ZSCAN29: variants seen among roughly 807,000 people sequenced by gnomAD.
ZSCAN29 encodes the protein zinc finger and SCAN domain containing 29.
In ZSCAN29, 55 loss-of-function variants were observed where a neutral mutation model predicts 71.9. That is an observed-to-expected ratio of 0.76 (90% CI 0.62 to 0.96). ZSCAN29 has a LOEUF of 0.96. Ranked by LOEUF, ZSCAN29 falls within the 40% of genes least tolerant of loss-of-function variation. The probability of loss-of-function intolerance (pLI) is 0.00; values close to 1 mark genes in which losing one functional copy is unlikely to be tolerated. For missense variants in ZSCAN29, 1,042 were observed against 1,042.2 expected (o/e 1.00, Z 0.00); for synonymous variants, 351 against 371.6 (o/e 0.94, Z 0.64).
At position 43,366,334 on chromosome 15, in the gene ZSCAN29, G is replaced by A. The variant is rs750968798; in HGVS notation, c.998C>T (p.Ala333Val). 13 of 1,613,340 alleles carry A rather than the reference G, an allele frequency of 8.1e-6. No homozygotes were observed. Among genetic ancestry groups the A allele is most frequent in the African/African-American group, 2.7e-5 (2 of 74,902 alleles). ...ATTACTGGGCAGGGCAATGACCTGA[G>A]CACTCATCAGGGCTTCCATCTCTTC... Reference protein sequence around the residue: ...FFEEMEALMSAQVIALPSNGL... With the variant: ...FFEEMEALMSVQVIALPSNGL... Residue 333 changes from alanine to valine, a missense_variant, in exon 4 of 6, where the codon GCT becomes GTT. By Grantham distance (64) the Ala-to-Val change is moderately conservative. Transcript: ENST00000684362.
intron 3 of ZSCAN29, 87 bp downstream of exon 3, chr15:43,368,836 C>A: frequency 7.9e-7 from 1 of 1,271,580 alleles, no homozygotes; most frequent in Admixed American, 2.5e-5. Context: ...CCACTTACTC[C>A]TGAAATCCCT....
intron 3 of ZSCAN29, 132 bp from the exon 4 acceptor site, chr15:43,366,940 T>G: frequency 4.8e-6 from 4 of 834,176 alleles, no homozygotes; most frequent in Non-Finnish European, 7.3e-6. Context: ...TTCAGAAAGT[T>G]CAGTGGGCTG....
At chr15:43,368,878 AACTTGG>A in intron 3 of ZSCAN29, 39 bp downstream of exon 3, 6 of 1,518,238 alleles carry the variant, frequency 4.0e-6, no homozygotes, top group Non-Finnish European at 5.3e-6. Context: ...CCTACTTCCC[AACTTGG>A]AATGGCAGTC....
rs1241400400 is a variant in ZSCAN29 at position 43,366,503 on chromosome 15, G to C, written c.829C>G (p.Gln277Glu). The C allele has an allele frequency of 2.5e-6, 4 of 1,614,066 alleles. No homozygotes were observed. The highest frequency in any genetic ancestry group is 3.4e-6 in the Non-Finnish European group (4 of 1,180,034). The change falls in exon 4 of 6, where the codon CAA becomes GAA. Residue 277 changes from glutamine to glutamate, a missense_variant. Gln to Glu is a conservative substitution (Grantham distance 29). Coordinates refer to ENST00000684362, the MANE Select transcript of ZSCAN29 (RefSeq NM_001372080.1). ...EALRNCHRNS[Q>E]VYGAVAERLR... ...CGCTCAGCCACAGCCCCATACACTT[G>C]GCTGTTCCTATGGCAGTTTCTGAGA...
chr15:43,364,759 G>A (rs2044018743), intron 4 of ZSCAN29, among the ~76,000 whole-genome samples: 1 of 151,824 alleles, frequency 6.6e-6, no homozygotes, highest in African/African-American at 2.4e-5. Flanking sequence ...GTGGTGGTGT[G>A]CACCTATAGT....
intron 4 of ZSCAN29, 22 bp from the exon 5 acceptor site, chr15:43,364,404 C>G (rs2044015553): frequency 6.2e-7 from 1 of 1,604,514 alleles, no homozygotes; most frequent in Non-Finnish European, 8.5e-7. Context: ...AGAGAAATTT[C>G]AGCACCACTT....
At position 43,361,750 on chromosome 15, in the gene ZSCAN29, G is replaced by T. The variant is rs1307769720; in HGVS notation, c.1882C>A (p.Leu628Met). 2.5e-6 allele frequency: 4 copies of T among 1,614,040 alleles called. No homozygotes were observed. Among genetic ancestry groups the T allele is most frequent in the East Asian group, 2.2e-5 (1 of 44,898 alleles). Residue 628 changes from leucine to methionine, a missense_variant, in exon 6 of 6, where the codon CTG becomes ATG. Transcript: ENST00000684362. ...CTTAAGCTCTTCTCCGGGAGTGTCA[G>T]TTTTCCTCTTTTCTCCCCTGAGGTC... ...AKTSGEKRGK[L>M]TLPEKSLSEV...
Position 43,366,148 on chromosome 15 carries a change from G to A in ZSCAN29, c.1184C>T (p.Pro395Leu), listed in dbSNP as rs1373810179. 8 of 1,613,646 alleles carry A rather than the reference G, an allele frequency of 5.0e-6. No individual in the cohort carries two copies. In the South Asian group the frequency reaches 6.6e-5, roughly 13 times the overall value. Residue 395 changes from proline (P) to leucine (L), a missense_variant, in exon 4 of 6, where the codon CCC (proline) becomes CTC (leucine). By Grantham distance (98) the Pro-to-Leu change is moderately conservative. Transcript: ENST00000684362. ...GAACACAACAGGTGCAGCTGAGTTG[G>A]GGTCCTGGGGGGTCGCCTCTAGATC... ...DMDLEATPQD[P>L]NSAAPVVFRS...
chr15:43,369,846 C>A lies in ZSCAN29; in HGVS notation c.68G>T (p.Arg23Ile). 6.2e-7 allele frequency: 1 copy of A among 1,613,894 alleles called. No homozygotes were observed. The highest frequency in any genetic ancestry group is 8.5e-7 in the Non-Finnish European group (1 of 1,180,046). Residue 23 changes from arginine (R) to isoleucine (I), a missense_variant, in exon 2 of 6, where the codon AGA (arginine) becomes ATA (isoleucine). Coordinates refer to ENST00000684362, the MANE Select transcript of ZSCAN29 (RefSeq NM_001372080.1). ...NSETFRQRFR[R>I]FHYQEVAGPR... ...CCCAGCCACCTCCTGGTAATGGAAT[C>A]TCCTGAAACGCTGTCGGAAGGTCTC...
intron 3 of ZSCAN29, among the ~76,000 whole-genome samples, chr15:43,367,217 G>A (rs779558576): frequency 6.6e-6 from 1 of 152,128 alleles, no homozygotes; most frequent in Admixed American, 6.5e-5. Context: ...CAGTCACCAG[G>A]TTCTAAAGGT....
Position 43,366,787 on chromosome 15 carries a change from C to A in ZSCAN29, c.545G>T (p.Gly182Val). 1 of 1,611,398 alleles carries A rather than the reference C, an allele frequency of 6.2e-7. No homozygotes were observed. Among genetic ancestry groups the A allele is most frequent in the Non-Finnish European group, 8.5e-7 (1 of 1,179,142 alleles). Residue 182 changes from glycine (G) to valine (V), a missense_variant, in exon 4 of 6, where the codon GGT becomes GTT. Transcript: ENST00000684362. ...QRSGLPFPKSGVVSRLEQGEP... is the reference protein window; with the variant it reads ...QRSGLPFPKSVVVSRLEQGEP... The stretch of plus-strand genomic sequence containing the variant: ...TCCTTGCTCCAACCTGGAGACCACA[C>A]CGGATTTAGGAAATGGCAATCCTGC...
Position 43,361,604 on chromosome 15 carries a change from AT to A in ZSCAN29, c.2027del (p.Asn676IlefsTer171). On this transcript the variant is annotated frameshift_variant, in exon 6 of 6. Coordinates refer to ENST00000684362, the MANE Select transcript of ZSCAN29 (RefSeq NM_001372080.1). LOFTEE classifies it high-confidence loss of function. Reference protein sequence around the residue: ...LMHQVSHQVENPYKCADCGKS... With the variant: ...LMHQVSHQVEXPYKCADCGKS... ...TCCCACAATCAGCACATTTATATGGATTTTCCACCTGGTGGGATACCTGATG... is the reference window on the plus strand; with the variant it reads ...TCCCACAATCAGCACATTTATATGGATTTCCACCTGGTGGGATACCTGATG... The A allele has an allele frequency of 6.2e-7, 1 of 1,614,164 alleles. No individual in the cohort carries two copies. Among genetic ancestry groups the A allele is most frequent in the Non-Finnish European group, 8.5e-7 (1 of 1,180,030 alleles).
At chr15:43,364,533 C>T in intron 4 of ZSCAN29, 151 bp from the exon 5 acceptor site, 1 of 764,794 alleles carries the variant, frequency 1.3e-6, no homozygotes, top group Non-Finnish European at 2.3e-6. Flanking sequence ...AATCCACAAA[C>T]TCAGTATAGA....
Position 43,366,437 on chromosome 15 carries a change from G to A in ZSCAN29, c.895C>T (p.Arg299Trp), listed in dbSNP as rs1185839817. ...TTCTGGAGACCTTTGAACTTGGTCC[G>A]ACACTGTTCCAGGGTCCGGAGGAAG... ...YGFLRTLEQC[R>W]TKFKGLQKSY... The change falls in exon 4 of 6, where the codon CGG becomes TGG. Residue 299 changes from arginine (R) to tryptophan (W), a missense_variant. By Grantham distance (101) the Arg-to-Trp change is moderately radical (BLOSUM62 -3). Coordinates refer to ENST00000684362, the MANE Select transcript of ZSCAN29 (RefSeq NM_001372080.1). 7 of 1,614,032 alleles carry A rather than the reference G, an allele frequency of 4.3e-6. No homozygotes were observed. Among genetic ancestry groups the A allele is most frequent in the South Asian group, 2.2e-5 (2 of 91,076 alleles).
Position 43,360,149 on chromosome 15 carries a change from G to A in ZSCAN29, c.*924C>T, listed in dbSNP as rs1172663030. The A allele has an allele frequency of 6.6e-6, 1 of 152,106 alleles. No individual in the cohort carries two copies. The highest frequency in any genetic ancestry group is 6.6e-5 in the Admixed American group (1 of 15,262). The allele number at this position is 152,106 out of a possible 1,614,324, so 9.4% of individuals were successfully genotyped here. ...AGATCATGAGGTCAATTCAAAACCAGCCTGGCCAACATGGTGAAACCCCAT... is the reference window on the plus strand; with the variant it reads ...AGATCATGAGGTCAATTCAAAACCAACCTGGCCAACATGGTGAAACCCCAT... On this transcript the variant is annotated 3_prime_UTR_variant, in exon 6 of 6. Coordinates refer to ENST00000684362, the MANE Select transcript of ZSCAN29 (RefSeq NM_001372080.1).
chr15:43,361,345 G>A lies in ZSCAN29; in HGVS notation c.2287C>T (p.Gln763Ter), dbSNP rs755594702. Residue 763 changes from glutamine to a stop codon, truncating the protein, a stop_gained, in exon 6 of 6, where the codon CAA (glutamine) becomes TAA (stop). Transcript: ENST00000684362. LOFTEE classifies it high-confidence loss of function. ...AAGCTTTTTCCACACTCTTCACATT[G>A]ATAGGGCTTTTCTCCTGTGTGGGTT... is the stretch of plus-strand genomic sequence containing the variant. ...QRTHTGEKPY[Q>*]CEECGKSFNN... 6.2e-7 allele frequency: 1 copy of A among 1,614,040 alleles called. No homozygotes were observed. The highest frequency in any genetic ancestry group is 8.5e-7 in the Non-Finnish European group (1 of 1,180,006).
rs750350792 is a variant in ZSCAN29, at chr15:43,364,047, C to A, written c.1558G>T (p.Ala520Ser). ...TCCTCAGCTTGCTTCTGAGCTTCAGCCTCACTGGTCCCCTGGACGGGGCAA... is the reference window on the plus strand; with the variant it reads ...TCCTCAGCTTGCTTCTGAGCTTCAGACTCACTGGTCCCCTGGACGGGGCAA... ...ASCPVQGTSEAEAQKQAEEAD... is the reference protein window; with the variant it reads ...ASCPVQGTSESEAQKQAEEAD... Residue 520 changes from alanine to serine, a missense_variant, in exon 5 of 6, where the codon GCT becomes TCT. Ala to Ser is a moderately conservative substitution (Grantham distance 99). Coordinates refer to ENST00000684362, the MANE Select transcript of ZSCAN29 (RefSeq NM_001372080.1). 1.5e-5 allele frequency: 25 copies of A among 1,614,056 alleles called. No homozygotes were observed. Among genetic ancestry groups the A allele is most frequent in the Non-Finnish European group, 2.0e-5 (24 of 1,180,056 alleles).
chr15:43,362,282 C>T (rs906086638), intron 5 of ZSCAN29, among the ~76,000 whole-genome samples: 35 of 152,106 alleles, frequency 2.3e-4, no homozygotes, highest in African/African-American at 7.7e-4. Flanking sequence ...CTTTCTAATA[C>T]GTATTTTTGC....
At chr15:43,365,107 C>T (rs1377028493) in intron 4 of ZSCAN29, among the ~76,000 whole-genome samples, 2 of 151,996 alleles carry the variant, frequency 1.3e-5, no homozygotes, top group Non-Finnish European at 2.9e-5. Flanking sequence ...ATGCATGTCA[C>T]AAAAAACAGA....
Sources: allele counts gnomAD v4.1 joint callset (sites outside exome capture counted in the v4.1 genomes callset), GRCh38; gene constraint gnomAD v4.1.1; transcripts MANE v1.5; gene names NCBI Gene and HGNC (gene_info 2026-07-23, HGNC 2026-07-21).